The following ADORA2B variants were observed in gnomAD, a reference collection of about 807,000 sequenced individuals.
ADORA2B encodes adenosine A2b receptor.
A neutral mutation model predicts 20.8 loss-of-function variants in ADORA2B; 18 were observed. That is an observed-to-expected ratio of 0.87 (90% confidence interval 0.60 to 1.29). The LOEUF (loss-of-function observed/expected upper bound fraction) is 1.29. Ranked by LOEUF, ADORA2B falls within the 50% of genes most tolerant of loss-of-function variation. The pLI is 0.00. For synonymous variants in ADORA2B, 179 were observed against 178.3 expected (o/e 1.00, Z -0.03); for missense variants, 441 against 422.7 (o/e 1.04, Z -0.38).
chr17:15,959,107 GAA>G (rs1160998018), intron 1 of ADORA2B, among the ~76,000 whole-genome samples: 2 of 152,094 alleles, frequency 1.3e-5, no homozygotes, highest in Non-Finnish European at 2.9e-5. Context: ...AGGAGAAACT[GAA>G]GAGGCCAAAA....
At chr17:15,915,350 G>T in the ADORA2B span, among the ~76,000 whole-genome samples, 2 of 152,202 alleles carry the variant, frequency 1.3e-5, no homozygotes, top group African/African-American at 2.4e-5. Context: ...TCTCTCTATT[G>T]CAAGGTCTCT....
chr17:15,952,580 C>G (rs1015167120), intron 1 of ADORA2B, among the ~76,000 whole-genome samples: 1 of 152,210 alleles, frequency 6.6e-6, no homozygotes, highest in Non-Finnish European at 1.5e-5. Flanking sequence ...GGGGTCCCTT[C>G]TAGTGGTGGA....
chr17:15,929,261 A>AAACATTCAAAC, the ADORA2B span, among the ~76,000 whole-genome samples: 1 of 152,150 alleles, frequency 6.6e-6, no homozygotes, highest in Non-Finnish European at 1.5e-5. Context: ...AGAATGTTTG[A>AAACATTCAAAC]ACCCTCTGGA....
At chr17:15,952,411 G>T (rs1376723297) in intron 1 of ADORA2B, among the ~76,000 whole-genome samples, 1 of 152,096 alleles carries the variant, frequency 6.6e-6, no homozygotes, top group Non-Finnish European at 1.5e-5. Context: ...CCACCTCACA[G>T]ATAAGAAGAT....
the ADORA2B span, among the ~76,000 whole-genome samples, chr17:15,894,965 A>C: frequency 3.3e-5 from 5 of 152,168 alleles, no homozygotes; most frequent in Non-Finnish European, 5.9e-5. Context: ...AGTTAGCTCA[A>C]GAGTATAGAA....
chr17:15,919,566 T>A, the ADORA2B span, among the ~76,000 whole-genome samples: 2 of 152,212 alleles, frequency 1.3e-5, no homozygotes, highest in Non-Finnish European at 2.9e-5. Flanking sequence ...CTACAAGCTG[T>A]GCCAGGGCAG....
At chr17:15,950,006 T>C (rs1225985458) in intron 1 of ADORA2B, among the ~76,000 whole-genome samples, 1 of 152,212 alleles carries the variant, frequency 6.6e-6, no homozygotes, top group Non-Finnish European at 1.5e-5. Flanking sequence ...GGTTGGATGA[T>C]GGCCCCCTGC....
chr17:15,872,576 GCAGTGT>G, the ADORA2B span, among the ~76,000 whole-genome samples: 2 of 152,186 alleles, frequency 1.3e-5, no homozygotes, highest in Non-Finnish European at 2.9e-5. Context: ...TATAATTTCA[GCAGTGT>G]TTTGTGGTTC....
chr17:15,932,353 T>C, the ADORA2B span, among the ~76,000 whole-genome samples: 4 of 151,718 alleles, frequency 2.6e-5, no homozygotes, highest in Non-Finnish European at 5.9e-5. Flanking sequence ...ATTAGCTGGG[T>C]ATGGTGGCAT....
intron 1 of ADORA2B, among the ~76,000 whole-genome samples, chr17:15,950,420 A>G (rs1969883874): frequency 6.6e-6 from 1 of 152,116 alleles, no homozygotes. Flanking sequence ...CCCCTAGATC[A>G]ACGCCCCTTC....
the ADORA2B span, among the ~76,000 whole-genome samples, chr17:15,923,466 G>A: frequency 7.3e-5 from 11 of 150,984 alleles, no homozygotes; most frequent in East Asian, 1.9e-4. Context: ...GTGCAGTGGC[G>A]CGATCTCGGC....
At chr17:15,946,776 C>T (rs1383608754) in intron 1 of ADORA2B, among the ~76,000 whole-genome samples, 1 of 152,146 alleles carries the variant, frequency 6.6e-6, no homozygotes, top group Non-Finnish European at 1.5e-5. Flanking sequence ...GGGGCTTGAA[C>T]TCACAGCTGG....
chr17:15,927,460 C>T, the ADORA2B span, among the ~76,000 whole-genome samples: 1 of 150,778 alleles, frequency 6.6e-6, no homozygotes, highest in Non-Finnish European at 1.5e-5. Flanking sequence ...TCCAGTCTGG[C>T]AACAGAGTGA....
At chr17:15,911,372 T>C in the ADORA2B span, among the ~76,000 whole-genome samples, 1 of 152,200 alleles carries the variant, frequency 6.6e-6, no homozygotes, top group Non-Finnish European at 1.5e-5. Context: ...TAAGCTGAAA[T>C]TACTCCAGGG....
At chr17:15,864,150 G>A in the ADORA2B span, 1 of 172,746 alleles carries the variant, frequency 5.8e-6, no homozygotes, top group African/African-American at 2.4e-5. Flanking sequence ...AAGACAGAAG[G>A]TTACATGGTA....
chr17:15,968,848 T>C (rs1472627642), intron 1 of ADORA2B, among the ~76,000 whole-genome samples: 4 of 152,120 alleles, frequency 2.6e-5, no homozygotes, highest in Non-Finnish European at 5.9e-5. Flanking sequence ...AGCAGGTGCA[T>C]AGGCGGTGGC....
At chr17:15,892,886 G>T in the ADORA2B span, among the ~76,000 whole-genome samples, 6 of 152,122 alleles carry the variant, frequency 3.9e-5, no homozygotes, top group Non-Finnish European at 7.3e-5. Context: ...ACCAAGGCAA[G>T]GCAAGTAACC....
chr17:15,903,792 C>T, the ADORA2B span, among the ~76,000 whole-genome samples: 1 of 152,142 alleles, frequency 6.6e-6, no homozygotes, highest in Non-Finnish European at 1.5e-5. Context: ...CCCCCACCCC[C>T]ACATCAGCAT....
At chr17:15,876,601 A>AT in the ADORA2B span, among the ~76,000 whole-genome samples, 23 of 150,700 alleles carry the variant, frequency 1.5e-4, no homozygotes, top group South Asian at 3.3e-3. Context: ...TAATTATCAT[A>AT]TTTTTTTCTC....
Sources: gnomAD v4.1 joint callset for allele counts (sites outside exome capture counted in the v4.1 genomes callset) on GRCh38, gnomAD v4.1.1 for gene constraint, MANE v1.5 for transcripts, NCBI Gene and HGNC (gene_info 2026-07-23, HGNC 2026-07-21) for gene names.